The following PLEKHG1 variants were observed in gnomAD, a reference collection of about 807,000 sequenced individuals.
The protein encoded by PLEKHG1 is pleckstrin homology and RhoGEF domain containing G1, also known as pleckstrin homology domain-containing family G member 1.
Under a neutral mutation model 100.8 loss-of-function variants are expected in PLEKHG1, and 44 were observed. The ratio of observed to expected loss-of-function variants is 0.44; its 90% CI spans 0.34 to 0.56. PLEKHG1 has a LOEUF of 0.56. PLEKHG1 is among the 20% of genes least tolerant of loss of function. The pLI is 0.01. For synonymous variants in PLEKHG1, 640 were observed against 662.5 expected (o/e 0.97, Z 0.52); for missense variants, 1,545 against 1,720.9 (o/e 0.90, Z 1.81).
chr6:150,704,161 G>A (rs1016023352), intron 3 of PLEKHG1, among the ~76,000 whole-genome samples: 1 of 152,160 alleles, frequency 6.6e-6, no homozygotes, highest in Non-Finnish European at 1.5e-5. Context: ...TTGGAGTGAG[G>A]GGGGCGATGT....
At position 150,732,022 on chromosome 6, in the gene PLEKHG1, C is replaced by T. The variant is rs1441954662; in HGVS notation, c.-98-1562C>T. Among the ~76,000 whole-genome samples, 9 of 144,348 alleles carry T rather than the reference C, an allele frequency of 6.2e-5. 1 individual carries two copies. The highest frequency in any genetic ancestry group is 4.3e-4 in the Admixed American group (6 of 13,810). The allele number at this position is 144,348 out of a possible 152,430, so 94.7% of individuals were successfully genotyped here. ...TGTCGCCCAGTCTGGAGTGCAGTGG[C>T]GCGATCTCGGCTCACTGCAAGCTCC... On this transcript the variant is annotated intron_variant, in intron 1 of 15. Coordinates refer to ENST00000358517, the Ensembl canonical transcript of PLEKHG1.
chr6:150,824,761 C>G (rs1476196727), intron 14 of PLEKHG1, among the ~76,000 whole-genome samples: 1 of 152,100 alleles, frequency 6.6e-6, no homozygotes, highest in African/African-American at 2.4e-5. Flanking sequence ...AACTCCAGAC[C>G]ACAGGTGACC....
Position 150,818,267 on chromosome 6 carries a change from C to G in PLEKHG1, c.1312+51C>G, listed in dbSNP as rs375978739. 42 of 1,255,828 alleles carry G rather than the reference C, an allele frequency of 3.3e-5. No homozygotes were observed. In the African/African-American group the frequency reaches 5.3e-4, roughly 16 times the overall value. The allele number at this position is 1,255,828 out of a possible 1,614,324, so 77.8% of individuals were successfully genotyped here. A position where few individuals can be genotyped will look rare whatever the true frequency, so the allele number is the denominator to read the frequency against. ...TTGAAATTTCATTGTCTGTTTGTAT[C>G]TATCACATTTTCTATCTTAAAGTTC... On this transcript the variant is annotated intron_variant, in intron 11 of 15. Transcript: ENST00000358517.
At position 150,683,785 on chromosome 6, in the gene PLEKHG1, G is replaced by T; in HGVS notation, c.-99+32999G>T. The T allele has an allele frequency of 1.6e-6, 2 of 1,288,522 alleles. No homozygotes were observed. Among genetic ancestry groups the T allele is most frequent in the Non-Finnish European group, 2.0e-6 (2 of 988,520 alleles). The allele number at this position is 1,288,522 out of a possible 1,614,324, so 79.8% of individuals were successfully genotyped here. Reference sequence around the variant, plus strand: ...AAGATGGAGCCATTCTTGGTGGGGCGGAAGAGGCAGGAAACTGCTGCCTGG... The same window carrying T: ...AAGATGGAGCCATTCTTGGTGGGGCTGAAGAGGCAGGAAACTGCTGCCTGG... On this transcript the variant is annotated intron_variant, in intron 3 of 3. Transcript: ENST00000367326. The surrounding 1 kb of genome is among the most constrained non-coding windows in gnomAD (Gnocchi z 4.0).
intron 2 of PLEKHG1, among the ~76,000 whole-genome samples, chr6:150,648,080 A>G (rs971114229): frequency 6.6e-6 from 1 of 151,934 alleles, no homozygotes; most frequent in African/African-American, 2.4e-5. Context: ...TTTAAGCATT[A>G]TTTTTCTGAA....
intron 3 of PLEKHG1, among the ~76,000 whole-genome samples, chr6:150,666,469 G>A (rs769434663): frequency 7.1e-4 from 108 of 152,086 alleles, no homozygotes; most frequent in Admixed American, 2.1e-3. Flanking sequence ...GCTAACTTGC[G>A]TCTGTTTGCC....
intron 14 of PLEKHG1, among the ~76,000 whole-genome samples, chr6:150,827,277 C>A (rs992297788): frequency 7.7e-6 from 1 of 130,388 alleles, no homozygotes; most frequent in Admixed American, 7.8e-5. Flanking sequence ...AAACTGCTTT[C>A]TTTTTTTTTT....
intron 1 of PLEKHG1, among the ~76,000 whole-genome samples, chr6:150,726,921 C>A (rs1260872906): frequency 6.6e-6 from 1 of 152,158 alleles, no homozygotes; most frequent in African/African-American, 2.4e-5. Context: ...TTAACTTGGA[C>A]TCTTAAACAT....
intron 3 of PLEKHG1, among the ~76,000 whole-genome samples, chr6:150,704,119 TA>T (rs1780911755): frequency 6.6e-6 from 1 of 152,226 alleles, no homozygotes. Context: ...ACTGACCTGT[TA>T]GCATGTTGAG....
chr6:150,621,697 A>G (rs926602277), intron 1 of PLEKHG1, among the ~76,000 whole-genome samples: 1 of 152,174 alleles, frequency 6.6e-6, no homozygotes, highest in Non-Finnish European at 1.5e-5. Context: ...TTTAAACACT[A>G]TAAGCCCGCA....
At chr6:150,765,287 G>GT (rs1164147452) in intron 2 of PLEKHG1, among the ~76,000 whole-genome samples, 2 of 152,102 alleles carry the variant, frequency 1.3e-5, no homozygotes, top group East Asian at 1.9e-4. Flanking sequence ...GAGGTCAGGA[G>GT]TTTGAGACCA....
At chr6:150,672,980 A>G (rs909901057) in intron 3 of PLEKHG1, among the ~76,000 whole-genome samples, 5 of 152,222 alleles carry the variant, frequency 3.3e-5, no homozygotes, top group Non-Finnish European at 5.9e-5. Context: ...GCATTTAATT[A>G]CTGTGTTTGG....
chr6:150,839,477 CTT>C (rs1777401395), intron 15 of PLEKHG1, among the ~76,000 whole-genome samples: 1 of 152,124 alleles, frequency 6.6e-6, no homozygotes, highest in Non-Finnish European at 1.5e-5. Context: ...GAAGTGCTGA[CTT>C]TCTTACTTTT....
chr6:150,658,131 C>T (rs890346119), intron 3 of PLEKHG1, among the ~76,000 whole-genome samples: 1 of 152,168 alleles, frequency 6.6e-6, no homozygotes, highest in Admixed American at 6.5e-5. Flanking sequence ...AGATCCCAGT[C>T]GTCCTCATTT....
intron 3 of PLEKHG1, among the ~76,000 whole-genome samples, chr6:150,693,335 G>C (rs748927398): frequency 2.0e-5 from 3 of 152,074 alleles, no homozygotes; most frequent in Non-Finnish European, 4.4e-5. Flanking sequence ...TGACTTATTT[G>C]GTGTCTCTCT....
intron 2 of PLEKHG1, among the ~76,000 whole-genome samples, chr6:150,751,247 T>C (rs1783494101): frequency 6.7e-6 from 1 of 149,624 alleles, no homozygotes; most frequent in Admixed American, 6.8e-5. Flanking sequence ...TCCACTGTAA[T>C]AGAGGGCTGC....
intron 13 of PLEKHG1, among the ~76,000 whole-genome samples, chr6:150,823,445 G>A (rs1296201419): frequency 6.6e-6 from 1 of 152,160 alleles, no homozygotes; most frequent in Non-Finnish European, 1.5e-5. Context: ...CTAGTGCTCA[G>A]ATGCATGTAA....
At chr6:150,777,176 T>C (rs13219329) in intron 3 of PLEKHG1, among the ~76,000 whole-genome samples, 4 of 138,152 alleles carry the variant, frequency 2.9e-5, no homozygotes, top group East Asian at 2.4e-4. Context: ...AATCCTGGCG[T>C]ACATGTGCGG....
chr6:150,810,281 C>CA (rs1787414005), intron 10 of PLEKHG1, among the ~76,000 whole-genome samples: 2 of 148,832 alleles, frequency 1.3e-5, no homozygotes, highest in Non-Finnish European at 3.0e-5. Context: ...GCCTGGGTGA[C>CA]AGGGTCCAGA....
Sources: gnomAD v4.1 joint callset for allele counts (sites outside exome capture counted in the v4.1 genomes callset) on GRCh38, gnomAD v4.1.1 for gene constraint, Gnocchi (gnomAD v3.1) non-coding constraint, MANE v1.5 for transcripts, NCBI Gene and HGNC (gene_info 2026-07-23, HGNC 2026-07-21) for gene names.